Variants in PDE4B observed in about 807,000 individuals in gnomAD.
PDE4B encodes the protein 3',5'-cyclic-AMP phosphodiesterase 4B.
In PDE4B, 20 loss-of-function variants were observed where a neutral mutation model predicts 82.2. The observed-to-expected ratio is 0.24, with a 90% CI of 0.17 to 0.35. PDE4B has a LOEUF of 0.35. PDE4B is among the 10% of genes least tolerant of loss of function. PDE4B has a pLI of 1.00. For missense variants in PDE4B, 655 were observed against 907.2 expected (o/e 0.72, Z 3.57); for synonymous variants, 320 against 318.9 (o/e 1.00, Z -0.04).
intron 3 of PDE4B, among the ~76,000 whole-genome samples, chr1:66,246,411 G>A (rs1297956674): frequency 1.3e-5 from 2 of 152,190 alleles, no homozygotes; most frequent in Non-Finnish European, 2.9e-5. Flanking sequence ...CACTGTTGTG[G>A]TCTAATTTGA....
In PDE4B at chr1:66,365,654, A is replaced by G; in HGVS notation, c.1285-13A>G. 6.4e-7 allele frequency: 1 copy of G among 1,557,562 alleles called. No individual in the cohort carries two copies. Among genetic ancestry groups the G allele is most frequent in the Non-Finnish European group, 8.8e-7 (1 of 1,130,662 alleles). ...ATTGGATGTGTAGTTAAATGTGTTT[A>G]TTTGCCCGACAGGCTGTCTTCACAG... On this transcript the variant is annotated splice_polypyrimidine_tract_variant and intron_variant, in intron 12 of 16. Coordinates refer to ENST00000341517, the MANE Select transcript of PDE4B (RefSeq NM_002600.4).
chr1:66,361,890 T>C, intron 10 of PDE4B, 97 bp downstream of exon 10: 1 of 982,646 alleles, frequency 1.0e-6, no homozygotes, highest in South Asian at 2.0e-5. Context: ...TGCTTTTGCA[T>C]TATTATTACA....
intron 2 of PDE4B, 81 bp downstream of exon 2, chr1:65,913,437 G>A: frequency 7.2e-7 from 1 of 1,384,718 alleles, no homozygotes; most frequent in African/African-American, 1.4e-5. Context: ...GGGCAGCTGG[G>A]GGCATTTAAC....
chr1:65,823,161 G>A (rs1645973899), intron 1 of PDE4B, among the ~76,000 whole-genome samples: 1 of 151,962 alleles, frequency 6.6e-6, no homozygotes, highest in African/African-American at 2.4e-5. Context: ...ACTTTGGGAG[G>A]CCGAGGCGGA....
chr1:66,010,382 A>G (rs955487507), intron 3 of PDE4B, among the ~76,000 whole-genome samples: 1 of 151,866 alleles, frequency 6.6e-6, no homozygotes, highest in Admixed American at 6.6e-5. Flanking sequence ...TGGCAAGTAT[A>G]CTAAACTTAA....
chr1:66,267,614 A>G (rs954396908), intron 7 of PDE4B: 10 of 152,178 alleles, frequency 6.6e-5, no homozygotes, highest in African/African-American at 2.4e-4. Flanking sequence ...CAGCTTGACA[A>G]CTAGGGATTC....
chr1:66,043,580 C>T (rs1260816425), intron 3 of PDE4B, among the ~76,000 whole-genome samples: 1 of 151,710 alleles, frequency 6.6e-6, no homozygotes, highest in African/African-American at 2.4e-5. Context: ...TGGTACATTG[C>T]CTAGGACCCT....
intron 3 of PDE4B, among the ~76,000 whole-genome samples, chr1:65,996,796 G>A (rs1651566007): frequency 6.6e-6 from 1 of 152,128 alleles, no homozygotes; most frequent in African/African-American, 2.4e-5. Context: ...TAGACGATAT[G>A]AGAAAATATA....
At chr1:65,934,115 A>T (rs887435039) in intron 3 of PDE4B, among the ~76,000 whole-genome samples, 1 of 152,166 alleles carries the variant, frequency 6.6e-6, no homozygotes, top group African/African-American at 2.4e-5. Flanking sequence ...CCTATAGAAG[A>T]TACAAAAAAG....
intron 7 of PDE4B, among the ~76,000 whole-genome samples, chr1:66,269,534 ACT>A (rs1328091979): frequency 2.6e-5 from 4 of 152,150 alleles, no homozygotes; most frequent in Non-Finnish European, 5.9e-5. Context: ...AAGAAAGAAA[ACT>A]CCAAAATAAG....
chr1:65,882,680 A>ATGTG (rs5774774), intron 1 of PDE4B, among the ~76,000 whole-genome samples: 22,972 of 149,870 alleles, frequency 0.15, 2,158 homozygotes, highest in South Asian at 0.35. Context: ...TTTGAAAAAT[A>ATGTG]TGTGTGTGTG....
chr1:66,361,862 T>C, intron 10 of PDE4B, 69 bp downstream of exon 10: 2 of 1,245,896 alleles, frequency 1.6e-6, no homozygotes, highest in South Asian at 3.2e-5. Flanking sequence ...CGTATACCTT[T>C]TAGAAAATAG....
At chr1:66,195,120 G>T (rs1212373818) in intron 3 of PDE4B, among the ~76,000 whole-genome samples, 1 of 152,062 alleles carries the variant, frequency 6.6e-6, no homozygotes, top group African/African-American at 2.4e-5. Context: ...TACAAAGCTG[G>T]CCATTTGGAG....
intron 3 of PDE4B, among the ~76,000 whole-genome samples, chr1:66,108,749 C>CTA (rs1449656550): frequency 6.6e-6 from 1 of 151,768 alleles, no homozygotes; most frequent in East Asian, 1.9e-4. Context: ...ATTATGGTAT[C>CTA]TATATATATC....
intron 7 of PDE4B, among the ~76,000 whole-genome samples, chr1:66,310,805 A>G (rs1658614935): frequency 6.6e-6 from 1 of 152,192 alleles, no homozygotes; most frequent in Admixed American, 6.5e-5. Context: ...GCTGACACTT[A>G]CTAGATCTTT....
chr1:66,135,563 G>T (rs1646039291), intron 3 of PDE4B, among the ~76,000 whole-genome samples: 1 of 152,186 alleles, frequency 6.6e-6, no homozygotes, highest in Non-Finnish European at 1.5e-5. Context: ...CAATGACTGG[G>T]AACACATATA....
chr1:65,862,043 T>A (rs1646460430), intron 1 of PDE4B, among the ~76,000 whole-genome samples: 1 of 150,648 alleles, frequency 6.6e-6, no homozygotes, highest in Admixed American at 6.6e-5. Context: ...GCTTTATTTC[T>A]TTCTCTTGCT....
At chr1:65,927,708 A>G (rs1373935062) in intron 3 of PDE4B, among the ~76,000 whole-genome samples, 1 of 151,928 alleles carries the variant, frequency 6.6e-6, no homozygotes, top group Non-Finnish European at 1.5e-5. Context: ...ACTAATCTCC[A>G]CAGTCCCTCC....
chr1:65,885,173 A>G (rs1267847795), intron 1 of PDE4B, among the ~76,000 whole-genome samples: 2 of 152,284 alleles, frequency 1.3e-5, no homozygotes, highest in East Asian at 1.9e-4. Flanking sequence ...ACCATCTCAC[A>G]CCAGTTAGAA....
Sources: gnomAD v4.1 joint callset for allele counts (sites outside exome capture counted in the v4.1 genomes callset) on GRCh38, gnomAD v4.1.1 for gene constraint, MANE v1.5 for transcripts, NCBI Gene and HGNC (gene_info 2026-07-23, HGNC 2026-07-21) for gene names.